RANBP2: variants seen among roughly 807,000 people sequenced by gnomAD.
RANBP2 encodes the protein RAN binding protein 2.
RANBP2 carries 57 observed loss-of-function variants against 303.6 expected under a neutral mutation model. The ratio of observed to expected loss-of-function variants is 0.19; its 90% confidence interval spans 0.15 to 0.23. The LOEUF (loss-of-function observed/expected upper bound fraction) is 0.23, where lower values mean the gene tolerates loss of function less well. Ranked by LOEUF, RANBP2 falls within the 10% of genes least tolerant of loss-of-function variation. The probability of loss-of-function intolerance (pLI) is 1.00; values close to 1 mark genes in which losing one functional copy is unlikely to be tolerated. For synonymous variants in RANBP2, 1,167 were observed against 1,301.5 expected, an observed-to-expected ratio of 0.90 and a Z score of 2.23; for missense variants, 3,138 against 3,780.8, an observed-to-expected ratio of 0.83 and a Z score of 4.46.
chr2:109,696,952 AT>A, the RANBP2 span, among the ~76,000 whole-genome samples: 2 of 152,002 alleles, frequency 1.3e-5, no homozygotes, highest in Non-Finnish European at 2.9e-5. Flanking sequence ...TAATTTTTAA[AT>A]TTTTTGTAGA....
the RANBP2 span, among the ~76,000 whole-genome samples, chr2:109,442,025 C>T: frequency 0.47 from 71,422 of 151,980 alleles, 18,263 homozygotes; most frequent in Non-Finnish European, 0.55. Context: ...TAAATCCACA[C>T]TATTGGCCAG....
At chr2:109,697,802 T>C in the RANBP2 span, among the ~76,000 whole-genome samples, 2 of 151,986 alleles carry the variant, frequency 1.3e-5, no homozygotes, top group African/African-American at 4.8e-5. Flanking sequence ...CCTTCCCTTA[T>C]TCATTATCTT....
At chr2:109,591,189 A>G in the RANBP2 span, among the ~76,000 whole-genome samples, 1 of 152,182 alleles carries the variant, frequency 6.6e-6, no homozygotes, top group Non-Finnish European at 1.5e-5. Context: ...CTTCCTCGTG[A>G]AAGTGTTCAA....
chr2:109,501,532 A>G, the RANBP2 span: 2 of 779,414 alleles, frequency 2.6e-6, no homozygotes, highest in Non-Finnish European at 4.8e-6. Flanking sequence ...TACCCACCCC[A>G]GAGTGAGGCG....
At chr2:109,439,538 C>A in the RANBP2 span, among the ~76,000 whole-genome samples, 1 of 152,214 alleles carries the variant, frequency 6.6e-6, no homozygotes. Flanking sequence ...ATGTTCTCAT[C>A]TCGAGCCAAA....
the RANBP2 span, among the ~76,000 whole-genome samples, chr2:109,029,954 G>T: frequency 1.3e-5 from 2 of 152,174 alleles, no homozygotes; most frequent in African/African-American, 4.8e-5. Flanking sequence ...AAGGATCCTG[G>T]TTGCTATCTC....
Position 108,783,464 on chromosome 2 carries a change from C to T in RANBP2, c.9370-132C>T, listed in dbSNP as rs1021685203. 35 of 555,710 alleles carry T rather than the reference C, an allele frequency of 6.3e-5. 2 individuals carry two copies. In the South Asian group the frequency reaches 1.0e-3, roughly 16 times the overall value. The allele number at this position is 555,710 out of a possible 1,614,324, so 34.4% of individuals were successfully genotyped here. A position where few individuals can be genotyped will look rare whatever the true frequency, so the allele number is the denominator to read the frequency against. Reference sequence around the variant, plus strand: ...CAATATGAATTTCTTAGTTTTCAAACTATACTCAGGAAAGCTGGGCTTTAG... The same window carrying T: ...CAATATGAATTTCTTAGTTTTCAAATTATACTCAGGAAAGCTGGGCTTTAG... On this transcript the variant is annotated intron_variant, in intron 28 of 28. Coordinates refer to ENST00000283195, the MANE Select transcript of RANBP2 (RefSeq NM_006267.5).
chr2:108,768,440 T>C, intron 20 of RANBP2, 52 bp downstream of exon 20: 1 of 1,606,208 alleles, frequency 6.2e-7, no homozygotes, highest in Non-Finnish European at 8.5e-7. Flanking sequence ...TTTTAATGTT[T>C]AGCTTGATGC....
chr2:109,644,671 T>C, the RANBP2 span, among the ~76,000 whole-genome samples: 5 of 152,182 alleles, frequency 3.3e-5, no homozygotes, highest in Non-Finnish European at 5.9e-5. Flanking sequence ...CCCAAGGGCA[T>C]GTGAAACACT....
chr2:108,904,506 A>C, the RANBP2 span, among the ~76,000 whole-genome samples: 20 of 152,240 alleles, frequency 1.3e-4, no homozygotes, highest in Non-Finnish European at 2.9e-4. Context: ...ACAAAAACCT[A>C]TACACAAATA....
At chr2:108,894,555 A>C in the RANBP2 span, 3 of 152,612 alleles carry the variant, frequency 2.0e-5, no homozygotes, top group African/African-American at 7.2e-5. Flanking sequence ...GACAATTAAG[A>C]CTTCACTGTC....
chr2:109,225,912 C>T, the RANBP2 span, among the ~76,000 whole-genome samples: 6 of 152,324 alleles, frequency 3.9e-5, no homozygotes, highest in African/African-American at 1.4e-4. Flanking sequence ...ACTATAGTCG[C>T]TTTCCACCAT....
the RANBP2 span, among the ~76,000 whole-genome samples, chr2:108,815,529 C>T: frequency 1.6e-5 from 2 of 122,826 alleles, no homozygotes; most frequent in Non-Finnish European, 3.1e-5. Flanking sequence ...TGCAGTGGTG[C>T]GATCTCGGCT....
chr2:108,927,778 A>G, the RANBP2 span, among the ~76,000 whole-genome samples: 3 of 152,028 alleles, frequency 2.0e-5, no homozygotes, highest in East Asian at 5.8e-4. Context: ...CAAATTCCAC[A>G]CACACAACCT....
At chr2:109,264,061 TC>T in the RANBP2 span, among the ~76,000 whole-genome samples, 2 of 152,236 alleles carry the variant, frequency 1.3e-5, no homozygotes, top group Admixed American at 1.3e-4. Context: ...TCTGGGCTGT[TC>T]CAGCTCCTCC....
the RANBP2 span, among the ~76,000 whole-genome samples, chr2:109,212,107 C>T: frequency 3.3e-5 from 5 of 152,180 alleles, no homozygotes; most frequent in East Asian, 5.8e-4. Context: ...GTGGTTGGTG[C>T]GGCTTGCCGG....
the RANBP2 span, among the ~76,000 whole-genome samples, chr2:109,632,865 C>A: frequency 2.6e-5 from 4 of 151,914 alleles, no homozygotes; most frequent in Middle Eastern, 3.2e-3. Context: ...ACTTGACGTC[C>A]AAGATGAAAC....
the RANBP2 span, among the ~76,000 whole-genome samples, chr2:108,999,557 T>C: frequency 6.6e-6 from 1 of 152,154 alleles, no homozygotes; most frequent in Non-Finnish European, 1.5e-5. Flanking sequence ...AACGGACTTT[T>C]AAATCTTTCG....
At chr2:109,251,486 A>G in the RANBP2 span, 394 of 740,512 alleles carry the variant, frequency 5.3e-4, no homozygotes, top group Non-Finnish European at 9.2e-4. Context: ...TTGAAATTAA[A>G]TGGTGGCAGA....
Sources: allele counts gnomAD v4.1 joint callset (sites outside exome capture counted in the v4.1 genomes callset), GRCh38; gene constraint gnomAD v4.1.1; transcripts MANE v1.5; gene names NCBI Gene and HGNC (gene_info 2026-07-23, HGNC 2026-07-21).